The following ADAM12 variants were observed in gnomAD, a reference collection of about 807,000 sequenced individuals.
ADAM12 encodes the protein disintegrin and metalloproteinase domain-containing protein 12.
ADAM12 carries 70 observed loss-of-function variants against 106.4 expected under a neutral mutation model. The ratio of observed to expected loss-of-function variants is 0.66; its 90% CI spans 0.54 to 0.80. The LOEUF is 0.80. ADAM12 is among the 30% of genes least tolerant of loss of function. The probability of loss-of-function intolerance (pLI) is 0.00; values close to 1 mark genes in which losing one functional copy is unlikely to be tolerated. For missense variants in ADAM12, 1,010 were observed against 1,171.9 expected, an observed-to-expected ratio of 0.86 and a Z score of 2.02; for synonymous variants, 420 against 433.5, an observed-to-expected ratio of 0.97 and a Z score of 0.39.
At chr10:126,269,917 C>T (rs989815238) in intron 3 of ADAM12, among the ~76,000 whole-genome samples, 3 of 152,130 alleles carry the variant, frequency 2.0e-5, no homozygotes, top group African/African-American at 4.8e-5. Flanking sequence ...CAAGTTAACT[C>T]GGGTTGAGGA....
intron 3 of ADAM12, among the ~76,000 whole-genome samples, chr10:126,178,577 T>C (rs1338651662): frequency 5.9e-5 from 9 of 152,120 alleles, no homozygotes; most frequent in Admixed American, 5.9e-4. Flanking sequence ...TTTAATGAGA[T>C]TGAAAGTACT....
chr10:126,231,437 T>C (rs1185325832), intron 3 of ADAM12, among the ~76,000 whole-genome samples: 1 of 150,780 alleles, frequency 6.6e-6, no homozygotes, highest in Non-Finnish European at 1.5e-5. Context: ...ACCATACGAA[T>C]GTCTTAATAA....
At chr10:126,331,787 T>C (rs1291402095) in intron 1 of ADAM12, among the ~76,000 whole-genome samples, 1 of 152,012 alleles carries the variant, frequency 6.6e-6, no homozygotes, top group Admixed American at 6.6e-5. Flanking sequence ...ATGGGCTGAG[T>C]CTTCAGGGAT....
intron 8 of ADAM12, among the ~76,000 whole-genome samples, chr10:126,106,917 A>C (rs1955782716): frequency 6.6e-6 from 1 of 152,250 alleles, no homozygotes; most frequent in South Asian, 2.1e-4. Flanking sequence ...ACATTCACCT[A>C]GCTCTCTATT....
intron 21 of ADAM12, among the ~76,000 whole-genome samples, chr10:126,035,212 A>G (rs1954037309): frequency 6.6e-6 from 1 of 152,158 alleles, no homozygotes; most frequent in African/African-American, 2.4e-5. Flanking sequence ...GTTCTGAAAA[A>G]ATATTTTTAT....
intron 5 of ADAM12, among the ~76,000 whole-genome samples, chr10:126,134,214 G>C (rs1270741341): frequency 6.6e-6 from 1 of 152,064 alleles, no homozygotes; most frequent in Non-Finnish European, 1.5e-5. Context: ...ACATAAAAAT[G>C]CTTTTAAAAA....
In ADAM12 at chr10:126,017,313, A is replaced by T. The variant is rs766990637; in HGVS notation, c.2687T>A (p.Val896Glu). ...LRPAPQYPHQVPRSTHTAYIK is the reference protein window; with the variant it reads ...LRPAPQYPHQEPRSTHTAYIK The stretch of plus-strand genomic sequence containing the variant: ...ATAGGCGGTGTGGGTGGATCTGGGC[A>T]CTTGGTGTGGATATTGTGGAGCAGG... Residue 896 changes from valine to glutamate, a missense_variant, in exon 23 of 23, where the codon GTG becomes GAG. By Grantham distance (121) the Val-to-Glu change is moderately radical. Transcript: ENST00000448723. 2 of 1,592,216 alleles carry T rather than the reference A, an allele frequency of 1.3e-6. No homozygotes were observed. The highest frequency in any genetic ancestry group is 3.5e-5 in the Admixed American group (2 of 56,756).
intron 17 of ADAM12, among the ~76,000 whole-genome samples, chr10:126,044,829 G>A (rs548185305): frequency 3.3e-5 from 5 of 152,340 alleles, no homozygotes; most frequent in Admixed American, 1.3e-4. Context: ...TCAAATGTAA[G>A]TGTCTTGCCT....
chr10:126,243,845 G>C (rs1958578498), intron 3 of ADAM12, among the ~76,000 whole-genome samples: 1 of 152,114 alleles, frequency 6.6e-6, no homozygotes, highest in South Asian at 2.1e-4. Flanking sequence ...GATTGTCGTG[G>C]GATGGCACAG....
chr10:126,354,395 G>A (rs1222521112), intron 1 of ADAM12, among the ~76,000 whole-genome samples: 4 of 152,208 alleles, frequency 2.6e-5, no homozygotes, highest in Non-Finnish European at 4.4e-5. Context: ...TGTTCTGGAA[G>A]TAGGGGGATG....
At chr10:126,314,312 G>C (rs545295574) in intron 2 of ADAM12, among the ~76,000 whole-genome samples, 9 of 152,212 alleles carry the variant, frequency 5.9e-5, no homozygotes, top group Non-Finnish European at 1.3e-4. Flanking sequence ...TGGTGAGGGA[G>C]AGCAGAAACC....
chr10:126,086,680 A>AAAATATATAT (rs1554966976), intron 11 of ADAM12, among the ~76,000 whole-genome samples: 1 of 24,274 alleles, frequency 4.1e-5, no homozygotes, highest in Non-Finnish European at 5.9e-5. Context: ...AAAAAAAAAA[A>AAAATATATAT]ATATATATAT....
chr10:126,297,757 T>C (rs1252340800), intron 2 of ADAM12, among the ~76,000 whole-genome samples: 1 of 152,026 alleles, frequency 6.6e-6, no homozygotes, highest in East Asian at 1.9e-4. Context: ...TCCAAAGTAA[T>C]AAAGTATTAT....
chr10:126,258,431 A>G (rs1231999288), intron 3 of ADAM12, among the ~76,000 whole-genome samples: 1 of 151,738 alleles, frequency 6.6e-6, no homozygotes, highest in Non-Finnish European at 1.5e-5. Context: ...CCACCAGTGT[A>G]ATGGTCTCCC....
chr10:126,217,848 GC>G (rs1958015908), intron 3 of ADAM12, among the ~76,000 whole-genome samples: 1 of 151,666 alleles, frequency 6.6e-6, no homozygotes, highest in African/African-American at 2.4e-5. Context: ...GGTGGCACAG[GC>G]CTGTAGTCCC....
intron 3 of ADAM12, among the ~76,000 whole-genome samples, chr10:126,166,004 G>C (rs1215195609): frequency 6.6e-6 from 1 of 152,110 alleles, no homozygotes; most frequent in African/African-American, 2.4e-5. Flanking sequence ...AATAAAAAAA[G>C]CTTCCTTTGC....
In ADAM12 at chr10:126,332,202, G is replaced by A. The variant is rs377167836; in HGVS notation, c.89-1693C>T. On this transcript the variant is annotated intron_variant, in intron 1 of 22. Transcript: ENST00000448723. ...ACAGGCACTCTTGTCAGTGACTCTA[G>A]ATCTGATGCCTTCTATTCAAAAAGC... Among the ~76,000 whole-genome samples, 212 of 152,290 alleles carry A rather than the reference G, an allele frequency of 1.4e-3. 2 individuals are homozygous for A. The highest frequency in any genetic ancestry group is 4.8e-3 in the East Asian group (25 of 5,172).
chr10:126,036,530 C>G (rs1954063852), intron 20 of ADAM12, among the ~76,000 whole-genome samples: 2 of 152,128 alleles, frequency 1.3e-5, no homozygotes, highest in South Asian at 4.1e-4. Flanking sequence ...CCTGCCTCCA[C>G]CCCACCAAAT....
intron 2 of ADAM12, among the ~76,000 whole-genome samples, chr10:126,292,658 T>C (rs371526957): frequency 1.3e-5 from 2 of 152,190 alleles, no homozygotes; most frequent in African/African-American, 4.8e-5. Context: ...ATAAATACAT[T>C]AAGCTTTGTT....
Sources: allele counts gnomAD v4.1 joint callset (sites outside exome capture counted in the v4.1 genomes callset), GRCh38; gene constraint gnomAD v4.1.1; transcripts MANE v1.5; gene names NCBI Gene and HGNC (gene_info 2026-07-23, HGNC 2026-07-21).